Variants in PCDHGC5 observed in about 807,000 individuals in gnomAD.
PCDHGC5 encodes the protein protocadherin gamma-C5.
In PCDHGC5, 25 loss-of-function variants were observed where a neutral mutation model predicts 59.0. The ratio of observed to expected loss-of-function variants is 0.42; its 90% CI spans 0.31 to 0.59. PCDHGC5 has a LOEUF of 0.59. Ranked by LOEUF, PCDHGC5 falls within the 20% of genes least tolerant of loss-of-function variation. The pLI, the probability that PCDHGC5 is intolerant of heterozygous loss-of-function variation, is 0.13. For synonymous variants in PCDHGC5, 434 were observed against 505.5 expected (o/e 0.86, Z 1.90); for missense variants, 1,067 against 1,206.4 (o/e 0.88, Z 1.71).
rs112808093 is a variant in PCDHGC5, at chr5:141,489,579, C to A, written c.339C>A (p.Pro113=). ...CAGTGCAGGTGGTGACTGAACACCC[C>A]CTGGAGCTAATCCGTGTAGAGGTAG... The part of the protein sequence containing the change: ...LLPVQVVTEH[P]LELIRVEVEI... Residue 113 remains proline (P), a synonymous_variant, in exon 1 of 4, where the codon CCC becomes CCA. Coordinates refer to ENST00000252087, the MANE Select transcript of PCDHGC5 (RefSeq NM_018929.3). This position sits in a 1 kb window ranked among gnomAD's most constrained non-coding sequence, Gnocchi z 4.5. 1.2e-6 allele frequency: 2 copies of A among 1,613,922 alleles called. No individual in the cohort carries two copies. Among genetic ancestry groups the A allele is most frequent in the African/African-American group, 2.7e-5 (2 of 74,916 alleles).
Position 141,512,910 on chromosome 5 carries a change from T to C in PCDHGC5, c.*1737T>C, listed in dbSNP as rs2099884499. On this transcript the variant is annotated 3_prime_UTR_variant, in exon 4 of 4. Transcript: ENST00000252087. Reference sequence around the variant, plus strand: ...CTCTTCCTGTGTCTCACGCAAGTTTTATACTCTAATATTTATATGGCTTTT... The same window carrying C: ...CTCTTCCTGTGTCTCACGCAAGTTTCATACTCTAATATTTATATGGCTTTT... 1 of 152,274 alleles carries C rather than the reference T, an allele frequency of 6.6e-6. No homozygotes were observed. The highest frequency in any genetic ancestry group is 2.1e-4 in the South Asian group (1 of 4,836). 9.4% of individuals were successfully genotyped at this position (152,274 alleles called of 1,614,324 possible). A position where few individuals can be genotyped will look rare whatever the true frequency, so the allele number is the denominator to read the frequency against.
At chr5:141,492,727 G>A (rs2099743408) in intron 1 of PCDHGC5, among the ~76,000 whole-genome samples, 1 of 152,274 alleles carries the variant, frequency 6.6e-6, no homozygotes, top group South Asian at 2.1e-4. Flanking sequence ...GACAGGCAGA[G>A]CTGCCCAGTG....
At chr5:141,503,554 G>A (rs1395044357) in intron 2 of PCDHGC5, among the ~76,000 whole-genome samples, 11 of 149,146 alleles carry the variant, frequency 7.4e-5, no homozygotes, top group East Asian at 3.9e-4. Flanking sequence ...AGCCGAGATC[G>A]CGCCACTGTA....
chr5:141,511,351 C>T lies in PCDHGC5; in HGVS notation c.*178C>T. The T allele has an allele frequency of 3.6e-6, 5 of 1,386,550 alleles. No individual in the cohort carries two copies. Among genetic ancestry groups the T allele is most frequent in the South Asian group, 1.5e-5 (1 of 67,154 alleles). The allele number at this position is 1,386,550 out of a possible 1,614,324, so 85.9% of individuals were successfully genotyped here. On this transcript the variant is annotated 3_prime_UTR_variant, in exon 4 of 4. Transcript: ENST00000252087. ...CCAGTCAGCACCTACCCCTTCCCCC[C>T]CAGGGGGTTGAATATGCAAAAGCAG...
intron 2 of PCDHGC5, among the ~76,000 whole-genome samples, chr5:141,496,008 C>CT (rs1468405718): frequency 2.0e-5 from 3 of 151,956 alleles, no homozygotes; most frequent in Non-Finnish European, 4.4e-5. Flanking sequence ...TTTATCTTGT[C>CT]TTTTTTCTCT....
chr5:141,491,513 A>C lies in PCDHGC5; in HGVS notation c.2273A>C (p.Lys758Thr), dbSNP rs1163218369. The change falls in exon 1 of 4, where the codon AAG becomes ACG. Residue 758 changes from lysine (K) to threonine (T), a missense_variant. Physicochemically the swap from Lys to Thr is moderately conservative, Grantham distance 78. Coordinates refer to ENST00000252087, the MANE Select transcript of PCDHGC5 (RefSeq NM_018929.3). The surrounding 1 kb of genome is among the most constrained non-coding windows in gnomAD (Gnocchi z 6.9). ...CAGGTGAGCTCGGACGGCACGCTCAAGTACATGGAGGTGACGCTGCGGCCC... is the reference window on the plus strand; with the variant it reads ...CAGGTGAGCTCGGACGGCACGCTCACGTACATGGAGGTGACGCTGCGGCCC... ...NLQVSSDGTL[K>T]YMEVTLRPTD... The C allele has an allele frequency of 6.2e-7, 1 of 1,613,934 alleles. No individual in the cohort carries two copies. Among genetic ancestry groups the C allele is most frequent in the East Asian group, 2.2e-5 (1 of 44,888 alleles).
At chr5:141,497,818 G>T (rs2099779657) in intron 2 of PCDHGC5, among the ~76,000 whole-genome samples, 1 of 152,194 alleles carries the variant, frequency 6.6e-6, no homozygotes, top group African/African-American at 2.4e-5. Context: ...AGAATTACAG[G>T]TGTGATCGCC....
intron 1 of PCDHGC5, chr5:141,492,015 G>A (rs117345436): frequency 3.3e-6 from 2 of 600,492 alleles, no homozygotes; most frequent in African/African-American, 1.9e-5. Context: ...CGCGGGTGTC[G>A]GGGGTCCCGG....
Position 141,490,252 on chromosome 5 carries a change from G to A in PCDHGC5, c.1012G>A (p.Val338Met), listed in dbSNP as rs150107963. The A allele has an allele frequency of 1.9e-6, 3 of 1,614,252 alleles. No homozygotes were observed. Among genetic ancestry groups the A allele is most frequent in the Non-Finnish European group, 1.7e-6 (2 of 1,180,046 alleles). The stretch of plus-strand genomic sequence containing the variant: ...CATGGAGGGCCACTGTGTGATTCAA[G>A]TGGATGTGGGGGATGTCAATGACAA... ...PAMEGHCVIQ[V>M]DVGDVNDNAP... The change falls in exon 1 of 4, where the codon GTG becomes ATG. Residue 338 changes from valine (V) to methionine (M), a missense_variant. Coordinates refer to ENST00000252087, the MANE Select transcript of PCDHGC5 (RefSeq NM_018929.3). This position sits in a 1 kb window ranked among gnomAD's most constrained non-coding sequence, Gnocchi z 5.4.
At chr5:141,499,287 C>T (rs896428388) in intron 2 of PCDHGC5, among the ~76,000 whole-genome samples, 3 of 152,184 alleles carry the variant, frequency 2.0e-5, no homozygotes, top group Non-Finnish European at 2.9e-5. Context: ...CTGATGGCTC[C>T]ACACTACCAT....
At position 141,491,899 on chromosome 5, in the gene PCDHGC5, G is replaced by A; in HGVS notation, c.2460+199G>A. The A allele has an allele frequency of 7.0e-7, 1 of 1,433,322 alleles. No homozygotes were observed. Among genetic ancestry groups the A allele is most frequent in the South Asian group, 1.5e-5 (1 of 67,156 alleles). The allele number at this position is 1,433,322 out of a possible 1,614,324, so 88.8% of individuals were successfully genotyped here. A position where few individuals can be genotyped will look rare whatever the true frequency, so the allele number is the denominator to read the frequency against. On this transcript the variant is annotated intron_variant, in intron 1 of 3. Coordinates refer to ENST00000252087, the MANE Select transcript of PCDHGC5 (RefSeq NM_018929.3). The surrounding 1 kb of genome is among the most constrained non-coding windows in gnomAD (Gnocchi z 6.9). ...TTAAGGGATGGGGCTCCGAGCACCG[G>A]GGGTGGTGGCGACTGTGGGCGAGGG... is the stretch of plus-strand genomic sequence containing the variant.
At chr5:141,508,824 G>T (rs893436748) in intron 3 of PCDHGC5, among the ~76,000 whole-genome samples, 1 of 151,952 alleles carries the variant, frequency 6.6e-6, no homozygotes, top group Non-Finnish European at 1.5e-5. Context: ...CCAGATCTGG[G>T]CCCCCCTCCC....
In PCDHGC5 at chr5:141,493,211, G is replaced by C. The variant is rs1312763933; in HGVS notation, c.2460+1511G>C. Reference sequence around the variant, plus strand: ...CTCCTTTGAGAACCTCATCTCATTTGCTCTTCCCACCATTGCTGTTGGCTA... The same window carrying C: ...CTCCTTTGAGAACCTCATCTCATTTCCTCTTCCCACCATTGCTGTTGGCTA... On this transcript the variant is annotated intron_variant, in intron 1 of 3. Transcript: ENST00000252087. The surrounding 1 kb of genome is among the most constrained non-coding windows in gnomAD (Gnocchi z 4.3). 6.6e-6 allele frequency among the ~76,000 whole-genome samples: 1 copy of C among 152,180 alleles called. No individual in the cohort carries two copies. The highest frequency in any genetic ancestry group is 2.4e-5 in the African/African-American group (1 of 41,436).
At position 141,496,642 on chromosome 5, in the gene PCDHGC5, G is replaced by C. The variant is rs1053400475; in HGVS notation, c.2519+1777G>C. Among the ~76,000 whole-genome samples the C allele has an allele frequency of 6.6e-5, 10 of 152,318 alleles. No individual in the cohort carries two copies. In the East Asian group the frequency reaches 1.5e-3, roughly 24 times the overall value. ...AGATCAAAAGGCTTGGGCTGCCCTT[G>C]CCCTTCCTTTGACCCCAGCTGTTGT... On this transcript the variant is annotated intron_variant, in intron 2 of 3. Transcript: ENST00000252087.
chr5:141,503,392 C>T lies in PCDHGC5; in HGVS notation c.2520-2001C>T, dbSNP rs554732406. 1.2e-4 allele frequency among the ~76,000 whole-genome samples: 18 copies of T among 151,870 alleles called. No individual in the cohort carries two copies. The South Asian group carries it at 3.5e-3, about 30-fold the overall frequency. On this transcript the variant is annotated intron_variant, in intron 2 of 3. Transcript: ENST00000252087. ...CAGGTGGATCATGAGGTCAGGAGTT[C>T]GAAACCAACCTGGCCAATATGGTGA...
rs548823035 is a variant in PCDHGC5 at position 141,499,447 on chromosome 5, C to T, written c.2519+4582C>T. ...AGAAAAAAAATTAAAAGGAAAACCA[C>T]CCATCATTTTACAATCTAGGGAGAA... On this transcript the variant is annotated intron_variant, in intron 2 of 3. Transcript: ENST00000252087. Among the ~76,000 whole-genome samples the T allele has an allele frequency of 3.8e-4, 58 of 152,250 alleles. 1 individual carries two copies. In the East Asian group the frequency reaches 9.1e-3, roughly 24 times the overall value.
intron 2 of PCDHGC5, among the ~76,000 whole-genome samples, chr5:141,503,681 A>C (rs1313633991): frequency 6.6e-6 from 1 of 152,102 alleles, no homozygotes; most frequent in Non-Finnish European, 1.5e-5. Context: ...ACTTTTGGGA[A>C]GGAGAATTGA....
chr5:141,510,837 GTCAAGGCCCAGGGTGC>G, intron 3 of PCDHGC5, 94 bp from the exon 4 acceptor site: 1 of 1,586,392 alleles, frequency 6.3e-7, no homozygotes, highest in Non-Finnish European at 8.6e-7. Flanking sequence ...GCTCAGCGTG[GTCAAGGCCCAGGGTGC>G]TGTATAGGCA....
At position 141,505,390 on chromosome 5, in the gene PCDHGC5, C is replaced by T; in HGVS notation, c.2520-3C>T. On this transcript the variant is annotated splice_polypyrimidine_tract_variant and splice_region_variant and intron_variant, in intron 2 of 3. Coordinates refer to ENST00000252087, the MANE Select transcript of PCDHGC5 (RefSeq NM_018929.3). ...TGTGCTCACCATCCTACTCTCTCCCCAGCTCCCAAAATGGCGATGACACCG... is the reference window on the plus strand; with the variant it reads ...TGTGCTCACCATCCTACTCTCTCCCTAGCTCCCAAAATGGCGATGACACCG... The T allele has an allele frequency of 6.2e-7, 1 of 1,614,130 alleles. No individual in the cohort carries two copies.
Sources: allele counts gnomAD v4.1 joint callset (sites outside exome capture counted in the v4.1 genomes callset), GRCh38; gene constraint gnomAD v4.1.1; non-coding constraint Gnocchi (gnomAD v3.1); transcripts MANE v1.5; gene names NCBI Gene and HGNC (gene_info 2026-07-23, HGNC 2026-07-21).